ADAMTSL1: variants seen among roughly 807,000 people sequenced by gnomAD.
ADAMTSL1 encodes the protein ADAMTS like 1, also known as ADAMTS-like protein 1.
Under a neutral mutation model 201.8 loss-of-function variants are expected in ADAMTSL1, and 126 were observed. That is an observed-to-expected ratio of 0.62 (90% CI 0.54 to 0.72). The LOEUF (loss-of-function observed/expected upper bound fraction) is 0.72. Among genes scored for constraint, ADAMTSL1 ranks in the 30% least tolerant of loss-of-function variants. The pLI, the probability that ADAMTSL1 is intolerant of heterozygous loss-of-function variation, is 0.00. For missense variants in ADAMTSL1, 2,679 were observed against 2,277.8 expected (o/e 1.18, Z -3.59); for synonymous variants, 1,121 against 903.4 (o/e 1.24, Z -4.32).
chr9:18,032,070 C>A (rs1293797752), intron 1 of ADAMTSL1, among the ~76,000 whole-genome samples: 1 of 152,174 alleles, frequency 6.6e-6, no homozygotes, highest in Non-Finnish European at 1.5e-5. Context: ...TAGATTTGTA[C>A]CAAGCCTTCT....
intron 20 of ADAMTSL1, among the ~76,000 whole-genome samples, chr9:18,797,131 A>T (rs1251911354): frequency 2.0e-5 from 3 of 152,186 alleles, no homozygotes; most frequent in Non-Finnish European, 4.4e-5. Flanking sequence ...AGAGCAGCCA[A>T]AGAGGCACCA....
chr9:18,756,419 A>G lies in ADAMTSL1; in HGVS notation c.2217+2911A>G, dbSNP rs555984095. 4.6e-5 allele frequency among the ~76,000 whole-genome samples: 7 copies of G among 152,076 alleles called. No homozygotes were observed. In the South Asian group the frequency reaches 1.0e-3, roughly 23 times the overall value. ...TAAGTTTTGTTGGGAAAAATTAGCT[A>G]TTGCTGACTGCTTGTGAGAAGAAAC... On this transcript the variant is annotated intron_variant, in intron 16 of 28. Coordinates refer to ENST00000380548, the MANE Select transcript of ADAMTSL1 (RefSeq NM_001040272.6).
intron 23 of ADAMTSL1, among the ~76,000 whole-genome samples, chr9:18,857,980 T>C (rs1826969108): frequency 6.6e-6 from 1 of 152,186 alleles, no homozygotes; most frequent in African/African-American, 2.4e-5. Flanking sequence ...GAATAGTATT[T>C]AGACACCAAG....
chr9:17,973,221 A>G (rs1372378854), intron 1 of ADAMTSL1, among the ~76,000 whole-genome samples: 1 of 151,274 alleles, frequency 6.6e-6, no homozygotes, highest in Admixed American at 6.6e-5. Context: ...TTGGTGTTTT[A>G]GACATGAAGT....
intron 2 of ADAMTSL1, among the ~76,000 whole-genome samples, chr9:18,342,720 C>T (rs1305146958): frequency 6.6e-6 from 1 of 152,030 alleles, no homozygotes; most frequent in African/African-American, 2.4e-5. Flanking sequence ...AAAGCTGAGA[C>T]CTTTGAAAAT....
intron 15 of ADAMTSL1, among the ~76,000 whole-genome samples, chr9:18,735,533 C>A (rs1481234036): frequency 6.6e-6 from 1 of 152,146 alleles, no homozygotes; most frequent in Non-Finnish European, 1.5e-5. Flanking sequence ...AGCAATGCTA[C>A]AGAGACCTCT....
chr9:18,662,006 T>A lies in ADAMTSL1; in HGVS notation c.1018T>A (p.Tyr340Asn). 6.2e-7 allele frequency: 1 copy of A among 1,614,130 alleles called. No individual in the cohort carries two copies. The highest frequency in any genetic ancestry group is 2.2e-5 in the East Asian group (1 of 44,886). ...NRVVADQYCH[Y>N]YPENIKPKPK... is the part of the protein sequence containing the mutation. ...TGTGGTTGCTGACCAATACTGTCAC[T>A]ATTACCCAGAGAACATCAAACCCAA... is the stretch of plus-strand genomic sequence containing the variant. Residue 340 changes from tyrosine (Y) to asparagine (N), a missense_variant, in exon 9 of 29, where the codon TAT becomes AAT. By Grantham distance (143) the Tyr-to-Asn change is moderately radical (BLOSUM62 -2). Transcript: ENST00000380548.
chr9:18,702,506 AG>A (rs377293108), intron 13 of ADAMTSL1, among the ~76,000 whole-genome samples: 227 of 152,302 alleles, frequency 1.5e-3, no homozygotes, highest in African/African-American at 5.3e-3. Context: ...TTCATAAAAG[AG>A]ACTATGGTAA....
intron 2 of ADAMTSL1, among the ~76,000 whole-genome samples, chr9:18,334,307 C>T (rs145548496): frequency 2.6e-3 from 390 of 152,208 alleles, no homozygotes; most frequent in African/African-American, 8.6e-3. Flanking sequence ...TGTTGGAAAA[C>T]CCTAAACAGA....
At chr9:18,070,922 G>T (rs919939071) in intron 1 of ADAMTSL1, among the ~76,000 whole-genome samples, 8 of 152,320 alleles carry the variant, frequency 5.3e-5, no homozygotes, top group Non-Finnish European at 7.3e-5. Context: ...GGCAGCCCAG[G>T]TCTAGGGGCA....
chr9:18,170,789 G>A (rs954772109), intron 2 of ADAMTSL1, among the ~76,000 whole-genome samples: 3 of 152,098 alleles, frequency 2.0e-5, no homozygotes, highest in Non-Finnish European at 2.9e-5. Flanking sequence ...GAATGGATGT[G>A]TCACATACAG....
At position 18,127,476 on chromosome 9, in the gene ADAMTSL1, T is replaced by TATACA. The variant is rs1825782666; in HGVS notation, c.88-36385_88-36384insTACAA. On this transcript the variant is annotated intron_variant, in intron 1 of 29. Coordinates refer to the ADAMTSL1 transcript ENST00000680146. ...GTGGGGTGGTGCATGCATAGGCACA[T>TATACA]ACACAACACACACACACACACACAC... Among the ~76,000 whole-genome samples, 3 of 102,016 alleles carry TATACA rather than the reference T, an allele frequency of 2.9e-5. No homozygotes were observed. In the South Asian group the frequency reaches 1.1e-3, roughly 37 times the overall value. 66.9% of individuals were successfully genotyped at this position (102,016 alleles called of 152,430 possible). A position where few individuals can be genotyped will look rare whatever the true frequency, so the allele number is the denominator to read the frequency against.
At chr9:18,327,583 G>A (rs1328410218) in intron 2 of ADAMTSL1, among the ~76,000 whole-genome samples, 1 of 152,142 alleles carries the variant, frequency 6.6e-6, no homozygotes, top group Non-Finnish European at 1.5e-5. Context: ...GGGGACTTGG[G>A]GTTTCTAAAG....
chr9:18,663,721 GA>G (rs140407451), intron 9 of ADAMTSL1, among the ~76,000 whole-genome samples: 18,985 of 151,508 alleles, frequency 0.13, 1,336 homozygotes, highest in Middle Eastern at 0.16. Flanking sequence ...TTTCCACAAA[GA>G]AAAAAAATGT....
chr9:18,863,486 C>G (rs573936492), intron 23 of ADAMTSL1, among the ~76,000 whole-genome samples: 27 of 152,172 alleles, frequency 1.8e-4, no homozygotes, highest in Non-Finnish European at 3.7e-4. Context: ...GGAAAATGTA[C>G]ATGGGAATCA....
chr9:18,784,851 CAA>C (rs767621680), intron 19 of ADAMTSL1, among the ~76,000 whole-genome samples: 8 of 152,202 alleles, frequency 5.3e-5, no homozygotes, highest in Non-Finnish European at 1.2e-4. Context: ...TTAACTCGCT[CAA>C]AGTCTCTCAC....
In ADAMTSL1 at chr9:18,431,447, G is replaced by A. The variant is rs188605373; in HGVS notation, c.208-73382G>A. 2.0e-5 allele frequency among the ~76,000 whole-genome samples: 3 copies of A among 152,260 alleles called. No homozygotes were observed. In the East Asian group the frequency reaches 5.8e-4, roughly 29 times the overall value. On this transcript the variant is annotated intron_variant, in intron 2 of 29. Transcript: ENST00000680146. The stretch of plus-strand genomic sequence containing the variant: ...GACAATTATGAGCATCCTTTGAAAT[G>A]TTTAAAGACCCAGATTTCTGAAATT...
intron 2 of ADAMTSL1, among the ~76,000 whole-genome samples, chr9:18,523,548 T>A (rs1818837167): frequency 6.6e-6 from 1 of 152,114 alleles, no homozygotes; most frequent in Admixed American, 6.5e-5. Context: ...TTGCCTAGGT[T>A]TTCTTCTAGG....
intron 2 of ADAMTSL1, among the ~76,000 whole-genome samples, chr9:18,424,891 C>T (rs1819135838): frequency 6.6e-6 from 1 of 152,102 alleles, no homozygotes; most frequent in Non-Finnish European, 1.5e-5. Context: ...AAAGAGTATG[C>T]CCTGGAGTAT....
Sources: gnomAD v4.1 joint callset for allele counts (sites outside exome capture counted in the v4.1 genomes callset) on GRCh38, gnomAD v4.1.1 for gene constraint, MANE v1.5 for transcripts, NCBI Gene and HGNC (gene_info 2026-07-23, HGNC 2026-07-21) for gene names.